RAB38: variants seen among roughly 807,000 people sequenced by gnomAD.
The protein encoded by RAB38 is RAB38, member RAS oncogene family.
In RAB38, 15 loss-of-function variants were observed where a neutral mutation model predicts 18.4. The ratio of observed to expected loss-of-function variants is 0.82; its 90% CI spans 0.55 to 1.26. The LOEUF is 1.26. RAB38 is among the 50% of genes most tolerant of loss of function. The probability of loss-of-function intolerance (pLI) is 0.00; values close to 1 mark genes in which losing one functional copy is unlikely to be tolerated. For synonymous variants in RAB38, 101 were observed against 104.4 expected, an observed-to-expected ratio of 0.97 and a Z score of 0.20; for missense variants, 294 against 267.4, an observed-to-expected ratio of 1.10 and a Z score of -0.69.
chr11:87,864,540 T>C, the RAB38 span, among the ~76,000 whole-genome samples: 1 of 151,462 alleles, frequency 6.6e-6, no homozygotes, highest in Non-Finnish European at 1.5e-5. Context: ...TGGAATATCA[T>C]GGTTTTCAGG....
the RAB38 span, among the ~76,000 whole-genome samples, chr11:87,899,069 GATA>G: frequency 6.6e-6 from 1 of 151,642 alleles, no homozygotes; most frequent in African/African-American, 2.4e-5. Context: ...TATGGAGACA[GATA>G]ATAATTAGAG....
chr11:87,854,021 C>T, the RAB38 span, among the ~76,000 whole-genome samples: 1 of 152,166 alleles, frequency 6.6e-6, no homozygotes, highest in Non-Finnish European at 1.5e-5. Flanking sequence ...TCTCGTTCTT[C>T]TATTGCATCT....
chr11:87,858,195 A>C, the RAB38 span, among the ~76,000 whole-genome samples: 1 of 152,022 alleles, frequency 6.6e-6, no homozygotes, highest in Non-Finnish European at 1.5e-5. Context: ...ATTATTTCTG[A>C]GGGTCCTGTT....
the RAB38 span, among the ~76,000 whole-genome samples, chr11:87,819,298 T>C: frequency 6.6e-6 from 1 of 152,194 alleles, no homozygotes; most frequent in Non-Finnish European, 1.5e-5. Context: ...TTGACTCCTT[T>C]GGCTGCAGTA....
the RAB38 span, among the ~76,000 whole-genome samples, chr11:87,885,703 T>A: frequency 6.6e-6 from 1 of 151,984 alleles, no homozygotes; most frequent in Non-Finnish European, 1.5e-5. Flanking sequence ...GAGTTTGGGG[T>A]AATGAACCTC....
chr11:87,850,958 A>G, the RAB38 span, among the ~76,000 whole-genome samples: 1 of 152,208 alleles, frequency 6.6e-6, no homozygotes, highest in Non-Finnish European at 1.5e-5. Context: ...AAATTCCAAC[A>G]TACACACAAA....
At chr11:88,044,650 C>G in the RAB38 span, among the ~76,000 whole-genome samples, 1 of 152,130 alleles carries the variant, frequency 6.6e-6, no homozygotes, top group East Asian at 1.9e-4. Flanking sequence ...AGGTGCCTGA[C>G]GTCCAGGCAT....
chr11:88,150,044 G>A, intron 1 of RAB38, 89 bp from the exon 2 acceptor site: 1 of 1,351,438 alleles, frequency 7.4e-7, no homozygotes, highest in Non-Finnish European at 1.0e-6. Context: ...AGATGAGCAA[G>A]TCAATCAGTA....
the RAB38 span, among the ~76,000 whole-genome samples, chr11:87,923,431 T>G: frequency 6.6e-6 from 1 of 151,924 alleles, no homozygotes; most frequent in Non-Finnish European, 1.5e-5. Flanking sequence ...ATTTATTTAT[T>G]TATTTTGTCC....
the RAB38 span, among the ~76,000 whole-genome samples, chr11:87,925,591 A>G: frequency 6.6e-6 from 1 of 152,078 alleles, no homozygotes. Context: ...AGAACTGATT[A>G]TTTCAAATGG....
intron 1 of RAB38, among the ~76,000 whole-genome samples, chr11:88,150,725 A>G (rs1016746345): frequency 6.6e-6 from 1 of 152,208 alleles, no homozygotes; most frequent in Admixed American, 6.5e-5. Context: ...TAGTAAGCTT[A>G]AGAAATCATA....
At chr11:88,031,537 G>C in the RAB38 span, among the ~76,000 whole-genome samples, 1 of 151,866 alleles carries the variant, frequency 6.6e-6, no homozygotes, top group Non-Finnish European at 1.5e-5. Flanking sequence ...AATGTCTCAG[G>C]ATACAAAATC....
At chr11:87,827,313 G>A in the RAB38 span, among the ~76,000 whole-genome samples, 76 of 151,078 alleles carry the variant, frequency 5.0e-4, no homozygotes, top group African/African-American at 1.4e-3. Context: ...CTTTTGGCTG[G>A]CTTTTATGAC....
the RAB38 span, among the ~76,000 whole-genome samples, chr11:87,855,501 A>G: frequency 6.6e-6 from 1 of 152,172 alleles, no homozygotes; most frequent in Non-Finnish European, 1.5e-5. Flanking sequence ...ATTATATTGG[A>G]AGTTTTATTT....
At chr11:88,170,282 T>C (rs774243921) in intron 1 of RAB38, among the ~76,000 whole-genome samples, 2 of 152,240 alleles carry the variant, frequency 1.3e-5, no homozygotes, top group African/African-American at 4.8e-5. Context: ...GGCAATAAAC[T>C]GCCCAGTGGA....
At chr11:87,809,206 T>C in the RAB38 span, among the ~76,000 whole-genome samples, 4 of 152,202 alleles carry the variant, frequency 2.6e-5, no homozygotes, top group Non-Finnish European at 5.9e-5. Flanking sequence ...AAAATTCAGC[T>C]ATATGTTGTT....
the RAB38 span, among the ~76,000 whole-genome samples, chr11:87,881,247 C>A: frequency 6.6e-6 from 1 of 151,844 alleles, no homozygotes; most frequent in South Asian, 2.1e-4. Flanking sequence ...TAATACACTG[C>A]CCCTGCTGCC....
chr11:87,950,967 A>G, the RAB38 span, among the ~76,000 whole-genome samples: 1 of 152,162 alleles, frequency 6.6e-6, no homozygotes, highest in African/African-American at 2.4e-5. Context: ...CCTGGATAAT[A>G]TCCTGCAGAG....
chr11:88,095,513 C>T, the RAB38 span, among the ~76,000 whole-genome samples: 12 of 151,884 alleles, frequency 7.9e-5, no homozygotes, highest in Admixed American at 7.9e-4. Context: ...TCCTTTCATT[C>T]TTCTATGCTA....
Sources: allele counts gnomAD v4.1 joint callset (sites outside exome capture counted in the v4.1 genomes callset), GRCh38; gene constraint gnomAD v4.1.1; transcripts MANE v1.5; gene names NCBI Gene and HGNC (gene_info 2026-07-23, HGNC 2026-07-21).